The following RGSL1 variants were observed in gnomAD, a reference collection of about 807,000 sequenced individuals.
The protein encoded by RGSL1 is regulator of G protein signaling like 1.
A neutral mutation model predicts 124.7 loss-of-function variants in RGSL1; 97 were observed. The ratio of observed to expected loss-of-function variants is 0.78; its 90% CI spans 0.66 to 0.92. The LOEUF is 0.92. RGSL1 is among the 40% of genes least tolerant of loss of function. The pLI, the probability that RGSL1 is intolerant of heterozygous loss-of-function variation, is 0.00. For missense variants in RGSL1, 1,233 were observed against 1,288.4 expected, an observed-to-expected ratio of 0.96 and a Z score of 0.66; for synonymous variants, 424 against 438.1, an observed-to-expected ratio of 0.97 and a Z score of 0.40.
chr1:182,553,412 GTTGTCGCAGGTGTTTTTAATGC>G (rs1337699543), intron 18 of RGSL1, 21 bp from the exon 19 acceptor site: 1 of 1,429,416 alleles, frequency 7.0e-7, no homozygotes. Flanking sequence ...TTCAGTAGGA[GTTGTCGCAGGTGTTTTTAATGC>G]TTGTTTTTGT....
rs190800915 is a variant in RGSL1 at position 182,479,728 on chromosome 1, A to G, written c.1431+5186A>G. 4.9e-3 allele frequency among the ~76,000 whole-genome samples: 748 copies of G among 152,324 alleles called. 3 individuals carry two copies. The highest frequency in any genetic ancestry group is 8.2e-3 in the Non-Finnish European group (558 of 68,010). ...GAATGTATAAAAACACAAGACCCAA[A>G]GATACAAAAGACTCATGATAGATTT... On this transcript the variant is annotated intron_variant, in intron 6 of 21. Coordinates refer to ENST00000294854, the MANE Select transcript of RGSL1 (RefSeq NM_001137669.2).
Position 182,551,108 on chromosome 1 carries a change from T to A in RGSL1, c.2942T>A (p.Phe981Tyr). Reference sequence around the variant, plus strand: ...AGCCATTCTTCCCACAGGTTTTGTTTCTGGAAGGCAACCCGCTCTTACTTA... The same window carrying A: ...AGCCATTCTTCCCACAGGTTTTGTTACTGGAAGGCAACCCGCTCTTACTTA... ...VVMYFWKRFC[F>Y]WKATRSYLQY... The change falls in exon 18 of 22, where the codon TTC becomes TAC. Residue 981 changes from phenylalanine (F) to tyrosine (Y), a missense_variant. Coordinates refer to ENST00000294854, the MANE Select transcript of RGSL1 (RefSeq NM_001137669.2). 1 of 1,551,542 alleles carries A rather than the reference T, an allele frequency of 6.4e-7. No individual in the cohort carries two copies. Among genetic ancestry groups the A allele is most frequent in the Non-Finnish European group, 8.7e-7 (1 of 1,146,842 alleles).
At chr1:182,512,275 C>G (rs1254071562) in intron 9 of RGSL1, among the ~76,000 whole-genome samples, 10 of 152,166 alleles carry the variant, frequency 6.6e-5, no homozygotes, top group Non-Finnish European at 1.3e-4. Context: ...CTCTCTGTCT[C>G]TTTTTACCAT....
Position 182,459,996 on chromosome 1 carries a change from G to T in RGSL1, c.172-8G>T. The stretch of plus-strand genomic sequence containing the variant: ...AGCATTTTTGTTTCTATTTTGCTTT[G>T]ACTCTAGATTGCCAAATACAAAGGG... On this transcript the variant is annotated splice_region_variant and splice_polypyrimidine_tract_variant and intron_variant, in intron 3 of 21. Coordinates refer to ENST00000294854, the MANE Select transcript of RGSL1 (RefSeq NM_001137669.2). 6.5e-7 allele frequency: 1 copy of T among 1,547,188 alleles called. No homozygotes were observed. The highest frequency in any genetic ancestry group is 1.2e-5 in the South Asian group (1 of 83,008).
At chr1:182,547,210 C>T (rs1243026703) in intron 15 of RGSL1, among the ~76,000 whole-genome samples, 1 of 152,184 alleles carries the variant, frequency 6.6e-6, no homozygotes, top group African/African-American at 2.4e-5. Context: ...AAGACACAAA[C>T]AAAAGTTAGG....
intron 4 of RGSL1, among the ~76,000 whole-genome samples, chr1:182,464,095 T>C (rs1653073387): frequency 6.6e-6 from 1 of 152,088 alleles, no homozygotes; most frequent in African/African-American, 2.4e-5. Flanking sequence ...AACACAGTAT[T>C]AAACAATGGA....
intron 11 of RGSL1, among the ~76,000 whole-genome samples, chr1:182,528,473 G>A (rs1299792729): frequency 6.6e-6 from 1 of 152,150 alleles, no homozygotes; most frequent in Admixed American, 6.5e-5. Flanking sequence ...CCTTCCACCT[G>A]TGAGCCTGTA....
At chr1:182,560,245 A>C (rs1661095229) in intron 21 of RGSL1, 34 bp from the exon 22 acceptor site, 1 of 152,178 alleles carries the variant, frequency 6.6e-6, no homozygotes, top group South Asian at 2.1e-4. Flanking sequence ...TATTCCAATA[A>C]ATCTTGATGC....
At chr1:182,532,596 A>C in intron 13 of RGSL1, 66 bp from the exon 14 acceptor site, 1 of 1,493,480 alleles carries the variant, frequency 6.7e-7, no homozygotes, top group Non-Finnish European at 9.0e-7. Context: ...GTTTTGGCAC[A>C]CAGTAGACTC....
intron 9 of RGSL1, among the ~76,000 whole-genome samples, chr1:182,509,636 C>G (rs1443196014): frequency 7.6e-6 from 1 of 131,372 alleles, no homozygotes; most frequent in African/African-American, 3.0e-5. Context: ...CGCCCCTCAC[C>G]TCCCGGACGG....
chr1:182,521,020 C>T (rs531545521), intron 9 of RGSL1, among the ~76,000 whole-genome samples: 3 of 152,272 alleles, frequency 2.0e-5, no homozygotes, highest in Non-Finnish European at 4.4e-5. Context: ...TCTTATAATA[C>T]TGAGATCCAT....
Position 182,495,837 on chromosome 1 carries a change from C to T in RGSL1, c.1825+2708C>T, listed in dbSNP as rs78293253. ...GTAATGACATGGGTGTCTGGGTCAC[C>T]TGCTTAGGTAGTTTCTTGTACCTTC... On this transcript the variant is annotated intron_variant, in intron 9 of 21. Transcript: ENST00000294854. Among the ~76,000 whole-genome samples the T allele has an allele frequency of 4.2e-3, 639 of 152,242 alleles. 3 individuals are homozygous for T. Among genetic ancestry groups the T allele is most frequent in the African/African-American group, 0.014 (593 of 41,544 alleles).
rs1654077372 is a variant in RGSL1, at chr1:182,474,063, T to C, written c.952T>C (p.Ser318Pro). The part of the protein sequence containing the change: ...LEKDMHYAKI[S>P]SMENKAKSHL... ...AAAGGATATGCATTATGCAAAAATATCCAGCATGGAGAATAAAGCCAAGAG... is the reference window on the plus strand; with the variant it reads ...AAAGGATATGCATTATGCAAAAATACCCAGCATGGAGAATAAAGCCAAGAG... Residue 318 changes from serine (S) to proline (P), a missense_variant, in exon 6 of 22, where the codon TCC becomes CCC. By Grantham distance (74) the Ser-to-Pro change is moderately conservative. Transcript: ENST00000294854. The C allele has an allele frequency of 6.4e-7, 1 of 1,551,764 alleles. No individual in the cohort carries two copies. The highest frequency in any genetic ancestry group is 8.7e-7 in the Non-Finnish European group (1 of 1,147,006).
At chr1:182,530,219 T>A in intron 11 of RGSL1, 25 bp from the exon 12 acceptor site, 8 of 1,513,940 alleles carry the variant, frequency 5.3e-6, no homozygotes, top group Non-Finnish European at 7.1e-6. Context: ...GGATTACAGC[T>A]TCTTTTCTCT....
At chr1:182,460,236 G>T in intron 4 of RGSL1, 103 bp downstream of exon 4, 1 of 1,375,282 alleles carries the variant, frequency 7.3e-7, no homozygotes, top group Non-Finnish European at 9.6e-7. Context: ...GTATGTGTGT[G>T]TGTGTGTGTG....
Position 182,541,399 on chromosome 1 carries a change from G to A in RGSL1, c.2669+978G>A, listed in dbSNP as rs188205239. On this transcript the variant is annotated intron_variant, in intron 15 of 21. Coordinates refer to ENST00000294854, the MANE Select transcript of RGSL1 (RefSeq NM_001137669.2). The stretch of plus-strand genomic sequence containing the variant: ...TCCACCCATGTTGCTGCAAATGACA[G>A]GATTTCATTCTTTTCTGTGGCTTAA... Among the ~76,000 whole-genome samples the A allele has an allele frequency of 2.0e-5, 3 of 152,200 alleles. No homozygotes were observed. In the East Asian group the frequency reaches 5.8e-4, roughly 29 times the overall value.
rs1652827365 is a variant in RGSL1 at position 182,461,450 on chromosome 1, A to C, written c.301+1317A>C. Reference sequence around the variant, plus strand: ...AAATATTCAGTTTTTAACAAAAAAAAATCAGAAGGCACACAAAGAGGAAAG... The same window carrying C: ...AAATATTCAGTTTTTAACAAAAAAACATCAGAAGGCACACAAAGAGGAAAG... On this transcript the variant is annotated intron_variant, in intron 4 of 21. Transcript: ENST00000294854. Among the ~76,000 whole-genome samples the C allele has an allele frequency of 2.0e-5, 3 of 152,130 alleles. No homozygotes were observed. The South Asian group carries it at 6.2e-4, about 31-fold the overall frequency.
chr1:182,519,025 C>A (rs989596797), intron 9 of RGSL1, among the ~76,000 whole-genome samples: 8 of 150,068 alleles, frequency 5.3e-5, no homozygotes, highest in African/African-American at 1.7e-4. Context: ...GGGGGTAGGT[C>A]AGTAATTTCT....
At chr1:182,537,238 G>A (rs1659608563) in intron 14 of RGSL1, among the ~76,000 whole-genome samples, 1 of 152,186 alleles carries the variant, frequency 6.6e-6, no homozygotes, top group Admixed American at 6.5e-5. Flanking sequence ...CAGTCAAAAT[G>A]CAGGGAGGGG....
Sources: allele counts gnomAD v4.1 joint callset (sites outside exome capture counted in the v4.1 genomes callset), GRCh38; gene constraint gnomAD v4.1.1; transcripts MANE v1.5; gene names NCBI Gene and HGNC (gene_info 2026-07-23, HGNC 2026-07-21).